Variants in USP1 observed in about 807,000 individuals in gnomAD.
USP1 encodes ubiquitin carboxyl-terminal hydrolase 1.
USP1 carries 18 observed loss-of-function variants against 72.2 expected under a neutral mutation model. That is an observed-to-expected ratio of 0.25 (90% CI 0.17 to 0.37). The LOEUF is 0.37. USP1 is among the 10% of genes least tolerant of loss of function. USP1 has a pLI of 1.00. For missense variants in USP1, 759 were observed against 884.9 expected (o/e 0.86, Z 1.81); for synonymous variants, 354 against 303.7 (o/e 1.17, Z -1.72).
Position 62,450,981 on chromosome 1 carries a change from G to C in USP1, c.2358G>C (p.Ter786TyrextTer27). The change falls in exon 9 of 9, where the codon TAG becomes TAC. Residue 786 changes from the stop codon to tyrosine, a stop_lost. Transcript: ENST00000339950. ...ACTTGCTATTTTATAAGAAATTATA[G>C]AGTGAGTGTATTTTCCTTGTGTATA... is the stretch of plus-strand genomic sequence containing the variant. ...TPYLLFYKKL[*>Y] The C allele has an allele frequency of 6.3e-7, 1 of 1,577,282 alleles. No homozygotes were observed. The highest frequency in any genetic ancestry group is 8.6e-7 in the Non-Finnish European group (1 of 1,168,588).
Position 62,442,235 on chromosome 1 carries a change from A to G in USP1, c.332A>G (p.His111Arg), listed in dbSNP as rs940215846. 6 of 1,606,022 alleles carry G rather than the reference A, an allele frequency of 3.7e-6. No homozygotes were observed. The highest frequency in any genetic ancestry group is 5.1e-6 in the Non-Finnish European group (6 of 1,174,566). The change falls in exon 4 of 9, where the codon CAC becomes CGC. Residue 111 changes from histidine to arginine, a missense_variant. Around this residue, in one of 9 missense-constraint regions of USP1, gnomAD observed 71 missense variants for 71.0 expected, o/e 1.00. Coordinates refer to ENST00000339950, the MANE Select transcript of USP1 (RefSeq NM_003368.5). ...FCPGFKSGVK[H>R]LFNIISRKKE... ...CCCGGTTTTAAATCTGGAGTAAAGC[A>G]CTTATTTAATATTATTTCAAGGAAG... is the stretch of plus-strand genomic sequence containing the variant.
rs1329893805 is a variant in USP1 at position 62,437,382 on chromosome 1, C to G, written c.-88C>G. 2.6e-6 allele frequency: 1 copy of G among 389,032 alleles called. No individual in the cohort carries two copies. The highest frequency in any genetic ancestry group is 3.6e-5 in the East Asian group (1 of 27,576). 24.1% of individuals were successfully genotyped at this position (389,032 alleles called of 1,614,324 possible). A position where few individuals can be genotyped will look rare whatever the true frequency, so the allele number is the denominator to read the frequency against. On this transcript the variant is annotated 5_prime_UTR_variant, in exon 1 of 9. Transcript: ENST00000339950. Reference sequence around the variant, plus strand: ...TTGCCGGCGTCACCGCCGCGGACTTCGCTTTGGGCCATGACCAGGTAAGGA... The same window carrying G: ...TTGCCGGCGTCACCGCCGCGGACTTGGCTTTGGGCCATGACCAGGTAAGGA...
At chr1:62,442,437 T>C (rs1645140527) in intron 4 of USP1, 138 bp downstream of exon 4, 1 of 612,054 alleles carries the variant, frequency 1.6e-6, no homozygotes. Flanking sequence ...GTCAGGCAAT[T>C]ATTTTTCATT....
intron 8 of USP1, 26 bp downstream of exon 8, chr1:62,448,692 T>C (rs1645193252): frequency 6.3e-7 from 1 of 1,599,080 alleles, no homozygotes; most frequent in East Asian, 2.2e-5. Context: ...AAGAACTATA[T>C]GAAGAAAATG....
At chr1:62,448,437 ATT>A (rs764844924) in intron 7 of USP1, 26 bp from the exon 8 acceptor site, 9 of 1,603,922 alleles carry the variant, frequency 5.6e-6, no homozygotes, top group African/African-American at 1.3e-5. Flanking sequence ...TGAGAGAAGT[ATT>A]TGAGTGAAAG....
intron 2 of USP1, among the ~76,000 whole-genome samples, chr1:62,441,112 C>G (rs1645131606): frequency 6.6e-6 from 1 of 151,940 alleles, no homozygotes; most frequent in African/African-American, 2.4e-5. Flanking sequence ...TGCAGCCTCT[C>G]CCAAATATTG....
chr1:62,438,883 A>G (rs574090989), intron 1 of USP1, among the ~76,000 whole-genome samples: 17 of 152,364 alleles, frequency 1.1e-4, no homozygotes, highest in African/African-American at 3.6e-4. Flanking sequence ...GATTTACACA[A>G]AGTGCATCGA....
chr1:62,437,379 C>G lies in USP1; in HGVS notation c.-91C>G. 3 of 390,438 alleles carry G rather than the reference C, an allele frequency of 7.7e-6. No homozygotes were observed. Among genetic ancestry groups the G allele is most frequent in the East Asian group, 7.2e-5 (2 of 27,642 alleles). The allele number at this position is 390,438 out of a possible 1,614,324, so 24.2% of individuals were successfully genotyped here. On this transcript the variant is annotated 5_prime_UTR_variant, in exon 1 of 9. Transcript: ENST00000339950. ...GACTTGCCGGCGTCACCGCCGCGGA[C>G]TTCGCTTTGGGCCATGACCAGGTAA... is the stretch of plus-strand genomic sequence containing the variant.
rs749767060 is a variant in USP1 at position 62,445,123 on chromosome 1, C to T, written c.943C>T (p.Pro315Ser). Reference protein sequence around the residue: ...KATSDTLESPPKIIPKYISEN... With the variant: ...KATSDTLESPSKIIPKYISEN... ...TACAAGTGATACATTAGAGAGTCCTCCTAAAATAATTCCCAAGTATATTTC... is the reference window on the plus strand; with the variant it reads ...TACAAGTGATACATTAGAGAGTCCTTCTAAAATAATTCCCAAGTATATTTC... The change falls in exon 6 of 9, where the codon CCT becomes TCT. Residue 315 changes from proline (P) to serine (S), a missense_variant. Transcript: ENST00000339950. 6 of 1,613,402 alleles carry T rather than the reference C, an allele frequency of 3.7e-6. No homozygotes were observed. The highest frequency in any genetic ancestry group is 2.2e-5 in the East Asian group (1 of 44,800).
At position 62,451,037 on chromosome 1, in the gene USP1, A is replaced by G; in HGVS notation, c.*56A>G. The stretch of plus-strand genomic sequence containing the variant: ...AACACACCCATACAAACATTGGTAA[A>G]GTTGATTACATCAAAGAATCTTTAG... On this transcript the variant is annotated 3_prime_UTR_variant, in exon 9 of 9. Coordinates refer to ENST00000339950, the MANE Select transcript of USP1 (RefSeq NM_003368.5). The G allele has an allele frequency of 1.4e-6, 2 of 1,454,228 alleles. No homozygotes were observed. The highest frequency in any genetic ancestry group is 1.8e-6 in the Non-Finnish European group (2 of 1,095,512). The allele number at this position is 1,454,228 out of a possible 1,614,324, so 90.1% of individuals were successfully genotyped here. A position where few individuals can be genotyped will look rare whatever the true frequency, so the allele number is the denominator to read the frequency against.
chr1:62,441,294 T>A (rs969640909), intron 2 of USP1, among the ~76,000 whole-genome samples, 194 bp from the exon 3 acceptor site: 3 of 152,354 alleles, frequency 2.0e-5, no homozygotes, highest in East Asian at 1.9e-4. Flanking sequence ...ATAATGTTTT[T>A]AAATGCTTTT....
Position 62,443,227 on chromosome 1 carries a change from G to A in USP1, c.465G>A (p.Ser155=), listed in dbSNP as rs761061585. Residue 155 remains serine (S), a synonymous_variant, in exon 5 of 9, where the codon TCG becomes TCA. Transcript: ENST00000339950. The part of the protein sequence containing the change: ...LICSLQSLII[S]VEQLQASFLL... ...GCAGTTTACAGTCCTTAATCATTTC[G>A]GTTGAACAGCTCCAGGCTAGTTTTC... 1.1e-4 allele frequency: 178 copies of A among 1,613,830 alleles called. 1 individual carries two copies. The highest frequency in any genetic ancestry group is 1.1e-4 in the South Asian group (10 of 91,060).
Position 62,450,620 on chromosome 1 carries a change from T to C in USP1, c.1997T>C (p.Ile666Thr), listed in dbSNP as rs1361369127. The C allele has an allele frequency of 6.2e-7, 1 of 1,614,114 alleles. No homozygotes were observed. Among genetic ancestry groups the C allele is most frequent in the Non-Finnish European group, 8.5e-7 (1 of 1,180,012 alleles). ...KVLNKKNVEA[I>T]GLLGGQKSKA... The stretch of plus-strand genomic sequence containing the variant: ...TTGAACAAAAAAAATGTAGAAGCTA[T>C]TGGACTTCTTGGAGGACAAAAGAGC... Residue 666 changes from isoleucine (I) to threonine (T), a missense_variant, in exon 9 of 9, where the codon ATT becomes ACT. This residue lies in a region of USP1 where 159 missense variants were observed against 140.9 expected (regional missense o/e 1.13). Transcript: ENST00000339950.
At chr1:62,449,396 C>CTT (rs1322331951) in intron 8 of USP1, among the ~76,000 whole-genome samples, 12 of 152,152 alleles carry the variant, frequency 7.9e-5, no homozygotes, top group South Asian at 2.1e-4. Flanking sequence ...TTTGGATAGT[C>CTT]TGTTTTTTTC....
At chr1:62,438,267 C>G (rs529068555) in intron 1 of USP1, among the ~76,000 whole-genome samples, 1 of 152,012 alleles carries the variant, frequency 6.6e-6, no homozygotes, top group Non-Finnish European at 1.5e-5. Flanking sequence ...AATTGGCTCT[C>G]GAGAAAAACC....
chr1:62,443,126 A>C (rs750877293), intron 4 of USP1, 33 bp from the exon 5 acceptor site: 22 of 1,592,260 alleles, frequency 1.4e-5, no homozygotes, highest in Non-Finnish European at 1.8e-5. Flanking sequence ...TTTGTTCATA[A>C]AATTATTGGT....
chr1:62,438,042 C>T (rs181675690), intron 1 of USP1, among the ~76,000 whole-genome samples: 1 of 151,838 alleles, frequency 6.6e-6, no homozygotes, highest in Non-Finnish European at 1.5e-5. Context: ...GTAACAGCCC[C>T]CCAGTTACAA....
At chr1:62,440,801 G>A (rs756932931) in intron 2 of USP1, among the ~76,000 whole-genome samples, 11 of 152,080 alleles carry the variant, frequency 7.2e-5, no homozygotes, top group Non-Finnish European at 1.6e-4. Flanking sequence ...ATATTGGAAG[G>A]ACCTAGTGGT....
chr1:62,437,942 G>A (rs1457289897), intron 1 of USP1, among the ~76,000 whole-genome samples: 1 of 152,102 alleles, frequency 6.6e-6, no homozygotes, highest in African/African-American at 2.4e-5. Flanking sequence ...AAAACTATTG[G>A]GACTGAGTGT....
Sources: gnomAD v4.1 joint callset for allele counts (sites outside exome capture counted in the v4.1 genomes callset) on GRCh38, gnomAD v4.1.1 for gene constraint, gnomAD v4.1.1 regional missense constraint, MANE v1.5 for transcripts, NCBI Gene and HGNC (gene_info 2026-07-23, HGNC 2026-07-21) for gene names.